ITPR2: variants seen among roughly 807,000 people sequenced by gnomAD.
ITPR2 encodes inositol 1,4,5-trisphosphate-gated calcium channel ITPR2.
ITPR2 carries 207 observed loss-of-function variants against 317.1 expected under a neutral mutation model. The ratio of observed to expected loss-of-function variants is 0.65; its 90% CI spans 0.58 to 0.73. The LOEUF is 0.73. Ranked by LOEUF, ITPR2 falls within the 30% of genes least tolerant of loss-of-function variation. The pLI is 0.00. For missense variants in ITPR2, 2,613 were observed against 3,284.0 expected (o/e 0.80, Z 4.99); for synonymous variants, 1,156 against 1,149.1 (o/e 1.01, Z -0.12).
chr12:26,402,707 C>A (rs190098035), intron 52 of ITPR2, among the ~76,000 whole-genome samples: 1 of 152,302 alleles, frequency 6.6e-6, no homozygotes, highest in Admixed American at 6.5e-5. Flanking sequence ...AGCCTCTATG[C>A]CCTCAGTTAA....
chr12:26,624,403 G>A (rs1185588186), intron 23 of ITPR2, 47 bp from the exon 24 acceptor site: 16 of 1,332,260 alleles, frequency 1.2e-5, no homozygotes, highest in Non-Finnish European at 6.4e-6. Context: ...ATTTTAATTA[G>A]GAGCCATAAT....
intron 2 of ITPR2, among the ~76,000 whole-genome samples, chr12:26,770,846 C>T (rs1001888186): frequency 1.3e-5 from 2 of 152,184 alleles, no homozygotes; most frequent in Non-Finnish European, 2.9e-5. Flanking sequence ...TTTACACTCT[C>T]ATAGTTCTGG....
rs899183720 is a variant in ITPR2, at chr12:26,831,721, C to T, written c.92+969G>A. On this transcript the variant is annotated intron_variant, in intron 1 of 56. Coordinates refer to ENST00000381340, the MANE Select transcript of ITPR2 (RefSeq NM_002223.4). The surrounding 1 kb of genome is among the most constrained non-coding windows in gnomAD (Gnocchi z 4.9). ...TACATAAAATATATAAATATATATTCTACATAAAATATATAAATATATATT... is the reference window on the plus strand; with the variant it reads ...TACATAAAATATATAAATATATATTTTACATAAAATATATAAATATATATT... Among the ~76,000 whole-genome samples the T allele has an allele frequency of 8.7e-6, 1 of 114,638 alleles. No individual in the cohort carries two copies. Among genetic ancestry groups the T allele is most frequent in the Admixed American group, 9.5e-5 (1 of 10,508 alleles). 75.2% of individuals were successfully genotyped at this position (114,638 alleles called of 152,430 possible).
chr12:26,490,430 G>C (rs17395164), intron 39 of ITPR2, among the ~76,000 whole-genome samples: 9,947 of 152,284 alleles, frequency 0.065, 466 homozygotes, highest in Non-Finnish European at 0.094. Context: ...GACACAAGGG[G>C]TACAAAGATG....
At chr12:26,719,438 T>C (rs1248179682) in intron 5 of ITPR2, among the ~76,000 whole-genome samples, 1 of 152,196 alleles carries the variant, frequency 6.6e-6, no homozygotes, top group Non-Finnish European at 1.5e-5. Context: ...GTTGATTCTA[T>C]GTAAGAGCCA....
intron 55 of ITPR2, among the ~76,000 whole-genome samples, chr12:26,374,399 C>G (rs1939280567): frequency 6.6e-6 from 1 of 152,210 alleles, no homozygotes. Flanking sequence ...GATGTGGGCG[C>G]AGCATCTAGG....
intron 1 of ITPR2, among the ~76,000 whole-genome samples, chr12:26,829,198 T>C (rs984250678): frequency 6.6e-6 from 1 of 150,958 alleles, no homozygotes; most frequent in Admixed American, 6.7e-5. Flanking sequence ...ATTTCAGGTT[T>C]AATTTTTTGA....
At chr12:26,384,495 T>C (rs945397453) in intron 55 of ITPR2, among the ~76,000 whole-genome samples, 1 of 152,152 alleles carries the variant, frequency 6.6e-6, no homozygotes. Flanking sequence ...GGAGTTCTTA[T>C]CCCTCTTGTC....
At chr12:26,506,356 A>G (rs1216522154) in intron 37 of ITPR2, among the ~76,000 whole-genome samples, 1 of 151,758 alleles carries the variant, frequency 6.6e-6, no homozygotes, top group East Asian at 1.9e-4. Context: ...TAAAAATAGG[A>G]AAATAATCTG....
chr12:26,756,888 T>TGAACC (rs1949531598), intron 2 of ITPR2, among the ~76,000 whole-genome samples: 2 of 152,322 alleles, frequency 1.3e-5, no homozygotes, highest in African/African-American at 4.8e-5. Flanking sequence ...GGTTCAGGCA[T>TGAACC]TCTAAATCAC....
intron 23 of ITPR2, among the ~76,000 whole-genome samples, chr12:26,626,755 G>C (rs1372309848): frequency 6.6e-6 from 1 of 152,236 alleles, no homozygotes; most frequent in Admixed American, 6.5e-5. Context: ...TTAACTACAT[G>C]CTTGTAATCA....
chr12:26,565,817 G>T (rs1217289442), intron 34 of ITPR2, among the ~76,000 whole-genome samples: 1 of 141,600 alleles, frequency 7.1e-6, no homozygotes, highest in Non-Finnish European at 1.5e-5. Flanking sequence ...AAAAAGGAAA[G>T]AAAAGAAGAG....
At chr12:26,596,503 T>G (rs2137115320) in intron 31 of ITPR2, among the ~76,000 whole-genome samples, 1 of 152,040 alleles carries the variant, frequency 6.6e-6, no homozygotes, top group Admixed American at 6.5e-5. Context: ...AAAAATTAGC[T>G]GAGCATGGTG....
chr12:26,734,578 GC>G (rs762505517), intron 2 of ITPR2, among the ~76,000 whole-genome samples: 1 of 151,360 alleles, frequency 6.6e-6, no homozygotes, highest in Non-Finnish European at 1.5e-5. Flanking sequence ...AGGTAAGCTT[GC>G]CTTTTTAAAC....
intron 10 of ITPR2, among the ~76,000 whole-genome samples, chr12:26,688,067 A>C (rs1592039272): frequency 6.6e-6 from 1 of 152,140 alleles, no homozygotes; most frequent in African/African-American, 2.4e-5. Flanking sequence ...ACAAGGTCTC[A>C]CTCTGTTGCC....
rs758169733 is a variant in ITPR2, at chr12:26,714,028, G to A, written c.855+1271C>T. Among the ~76,000 whole-genome samples, 5 of 152,248 alleles carry A rather than the reference G, an allele frequency of 3.3e-5. No homozygotes were observed. The South Asian group carries it at 6.2e-4, about 19-fold the overall frequency. ...CTCCAAAGTCCATCTGCATGCTAGC[G>A]ACTGAAATTATTCCTCAATATGTTG... On this transcript the variant is annotated intron_variant, in intron 8 of 56. Transcript: ENST00000381340.
chr12:26,580,756 A>C (rs1945385921), intron 32 of ITPR2, among the ~76,000 whole-genome samples: 1 of 152,216 alleles, frequency 6.6e-6, no homozygotes, highest in African/African-American at 2.4e-5. Context: ...TCTCAGCCAA[A>C]GAGACAATGC....
chr12:26,692,396 C>T (rs1463633629), intron 10 of ITPR2, among the ~76,000 whole-genome samples: 1 of 152,062 alleles, frequency 6.6e-6, no homozygotes, highest in East Asian at 1.9e-4. Context: ...ATTATCTGGC[C>T]CAATATGGCC....
At chr12:26,516,122 T>C (rs1943483705) in intron 37 of ITPR2, among the ~76,000 whole-genome samples, 1 of 118,750 alleles carries the variant, frequency 8.4e-6, no homozygotes, top group Non-Finnish European at 1.6e-5. Context: ...AGACCCTGTC[T>C]CAAAAGAAAA....
Sources: allele counts gnomAD v4.1 joint callset (sites outside exome capture counted in the v4.1 genomes callset), GRCh38; gene constraint gnomAD v4.1.1; non-coding constraint Gnocchi (gnomAD v3.1); transcripts MANE v1.5; gene names NCBI Gene and HGNC (gene_info 2026-07-23, HGNC 2026-07-21).